The following CFAP46 variants were observed in gnomAD, a reference collection of about 807,000 sequenced individuals.
CFAP46 encodes cilia and flagella associated protein 46.
Under a neutral mutation model 325.7 loss-of-function variants are expected in CFAP46, and 245 were observed. That is an observed-to-expected ratio of 0.75 (90% CI 0.68 to 0.84). CFAP46 has a LOEUF of 0.84. CFAP46 is among the 40% of genes least tolerant of loss of function. CFAP46 has a pLI of 0.00. For missense variants in CFAP46, 3,346 were observed against 3,543.0 expected (o/e 0.94, Z 1.41); for synonymous variants, 1,523 against 1,495.9 (o/e 1.02, Z -0.42).
Position 132,827,417 on chromosome 10 carries a change from C to T in CFAP46, c.7117+5941G>A, listed in dbSNP as rs1232532823. Among the ~76,000 whole-genome samples the T allele has an allele frequency of 6.6e-6, 1 of 152,086 alleles. No individual in the cohort carries two copies. Among genetic ancestry groups the T allele is most frequent in the East Asian group, 1.9e-4 (1 of 5,182 alleles). ...GGGCCCTCTGTCCTTGGACCTCCTC[C>T]TTCAAGGATCCACTTCGCACATGTG... On this transcript the variant is annotated intron_variant, in intron 50 of 57. Coordinates refer to ENST00000368586, the MANE Select transcript of CFAP46 (RefSeq NM_001200049.3). The surrounding 1 kb of genome is among the most constrained non-coding windows in gnomAD (Gnocchi z 5.7).
At chr10:132,904,870 T>C (rs1591082429) in intron 22 of CFAP46, among the ~76,000 whole-genome samples, 1 of 152,096 alleles carries the variant, frequency 6.6e-6, no homozygotes, top group African/African-American at 2.4e-5. Flanking sequence ...CTTACGAGGG[T>C]GAATGCAGTT....
intron 11 of CFAP46, 113 bp downstream of exon 11, chr10:132,924,583 T>A (rs1417577311): frequency 1.7e-5 from 18 of 1,040,028 alleles, no homozygotes; most frequent in Non-Finnish European, 2.3e-5. Context: ...ACAGGGGGAG[T>A]CTGTTGCTTG....
In CFAP46 at chr10:132,832,277, G is replaced by C. The variant is rs1333038340; in HGVS notation, c.7117+1081C>G. 1.3e-5 allele frequency among the ~76,000 whole-genome samples: 2 copies of C among 151,894 alleles called. No homozygotes were observed. Among genetic ancestry groups the C allele is most frequent in the Non-Finnish European group, 2.9e-5 (2 of 67,992 alleles). On this transcript the variant is annotated intron_variant, in intron 50 of 57. Coordinates refer to ENST00000368586, the MANE Select transcript of CFAP46 (RefSeq NM_001200049.3). The surrounding 1 kb of genome is among the most constrained non-coding windows in gnomAD (Gnocchi z 4.1). Reference sequence around the variant, plus strand: ...GGGCTCTGCAGATCTCGGAGTGGCCGTTCCTTGCAGCTCTCTCCTTCCAGG... The same window carrying C: ...GGGCTCTGCAGATCTCGGAGTGGCCCTTCCTTGCAGCTCTCTCCTTCCAGG...
At chr10:132,822,431 G>C (rs1388415346) in intron 50 of CFAP46, among the ~76,000 whole-genome samples, 1 of 145,984 alleles carries the variant, frequency 6.9e-6, no homozygotes, top group South Asian at 2.2e-4. Context: ...GTGGTGATGT[G>C]TGCTGTGTGT....
At position 132,828,355 on chromosome 10, in the gene CFAP46, C is replaced by A. The variant is rs530474327; in HGVS notation, c.7117+5003G>T. On this transcript the variant is annotated intron_variant, in intron 50 of 57. Transcript: ENST00000368586. The surrounding 1 kb of genome is among the most constrained non-coding windows in gnomAD (Gnocchi z 4.9). ...GGGTTCCGGTTCCACACCCTCCCAA[C>A]ACGCGCTCTGGTCGACTGTGTGAGT... is the stretch of plus-strand genomic sequence containing the variant. Among the ~76,000 whole-genome samples, 1 of 152,356 alleles carries A rather than the reference C, an allele frequency of 6.6e-6. No individual in the cohort carries two copies. The highest frequency in any genetic ancestry group is 2.4e-5 in the African/African-American group (1 of 41,582).
At chr10:132,824,028 GTGC>G (rs1847967820) in intron 50 of CFAP46, among the ~76,000 whole-genome samples, 1 of 111,632 alleles carries the variant, frequency 9.0e-6, no homozygotes, top group Admixed American at 9.8e-5. Flanking sequence ...TGCTGTGTGA[GTGC>G]TGATGTGTGC....
rs1017588789 is a variant in CFAP46 at position 132,910,004 on chromosome 10, G to C, written c.2564C>G (p.Thr855Ser). The C allele has an allele frequency of 4.5e-6, 7 of 1,542,998 alleles. No homozygotes were observed. The highest frequency in any genetic ancestry group is 5.2e-6 in the Non-Finnish European group (6 of 1,144,162). ...CCAGGTGGCGATAAGCTGCTGCCGG[G>C]TGCCGGTGGGCACCGTCTCCTCGGG... ...SAPEETVPTG[T>S]RQQLIATWVK... Residue 855 changes from threonine to serine, a missense_variant, in exon 20 of 58, where the codon ACC (threonine) becomes AGC (serine). Physicochemically the swap from Thr to Ser is moderately conservative, Grantham distance 58. Coordinates refer to ENST00000368586, the MANE Select transcript of CFAP46 (RefSeq NM_001200049.3).
chr10:132,877,212 C>G lies in CFAP46; in HGVS notation c.4213-251G>C, dbSNP rs2135342285. On this transcript the variant is annotated intron_variant, in intron 30 of 57. Transcript: ENST00000368586. This position sits in a 1 kb window ranked among gnomAD's most constrained non-coding sequence, Gnocchi z 5.7. The stretch of plus-strand genomic sequence containing the variant: ...TGCCCAGGCTCAGGACTCCCGAGAG[C>G]TAAGGCTCTGCAGCCTCTGCCTCCT... Among the ~76,000 whole-genome samples, 1 of 152,318 alleles carries G rather than the reference C, an allele frequency of 6.6e-6. No homozygotes were observed. Among genetic ancestry groups the G allele is most frequent in the East Asian group, 1.9e-4 (1 of 5,164 alleles).
At chr10:132,911,133 C>G (rs1457348401) in intron 19 of CFAP46, among the ~76,000 whole-genome samples, 2 of 152,246 alleles carry the variant, frequency 1.3e-5, no homozygotes, top group Non-Finnish European at 2.9e-5. Flanking sequence ...CCACGGCGCC[C>G]TCCCCTCCGC....
chr10:132,871,991 A>AT (rs1203191450), intron 32 of CFAP46, among the ~76,000 whole-genome samples: 2 of 152,188 alleles, frequency 1.3e-5, no homozygotes, highest in African/African-American at 4.8e-5. Context: ...CCTTTTTAGC[A>AT]TTTTTAGTAC....
chr10:132,879,770 C>T (rs1055375450), intron 28 of CFAP46, 139 bp from the exon 29 acceptor site: 92 of 873,812 alleles, frequency 1.1e-4, no homozygotes, highest in African/African-American at 9.2e-4. Flanking sequence ...TGCTGAGGGC[C>T]GGCAGCCAGG....
At chr10:132,885,600 G>A (rs1023473232) in intron 26 of CFAP46, among the ~76,000 whole-genome samples, 4 of 151,374 alleles carry the variant, frequency 2.6e-5, no homozygotes, top group Admixed American at 1.3e-4. Flanking sequence ...CACACTCTGG[G>A]TGGGGGAGCA....
Position 132,836,779 on chromosome 10 carries a change from G to A in CFAP46, c.6536+38C>T, listed in dbSNP as rs572840729. The A allele has an allele frequency of 6.4e-6, 10 of 1,563,878 alleles. No individual in the cohort carries two copies. In the East Asian group the frequency reaches 9.0e-5, roughly 14 times the overall value. On this transcript the variant is annotated intron_variant, in intron 45 of 57. Transcript: ENST00000368586. Reference sequence around the variant, plus strand: ...CTCTGCCTCCCTGAGGCCTCTCAGCGGGCTGGGGGCGGCCTCAACAAGAAG... The same window carrying A: ...CTCTGCCTCCCTGAGGCCTCTCAGCAGGCTGGGGGCGGCCTCAACAAGAAG...
In CFAP46 at chr10:132,906,455, C is replaced by T. The variant is rs933778568; in HGVS notation, c.2924+2013G>A. 3.0e-4 allele frequency among the ~76,000 whole-genome samples: 46 copies of T among 151,836 alleles called. No homozygotes were observed. The South Asian group carries it at 3.6e-3, about 12-fold the overall frequency. ...CCGAGAAGAGTGAACGGGGTCCTGG[C>T]GCGTGATGCCCCGTCCTGGGCACTG... On this transcript the variant is annotated intron_variant, in intron 22 of 57. Transcript: ENST00000368586.
intron 44 of CFAP46, among the ~76,000 whole-genome samples, chr10:132,837,673 G>A (rs868305115): frequency 1.0e-3 from 78 of 77,006 alleles, no homozygotes; most frequent in Non-Finnish European, 1.6e-3. Flanking sequence ...AGACATGCAC[G>A]GACACACATG....
At chr10:132,936,883 C>G (rs1850016236) in intron 7 of CFAP46, 78 bp downstream of exon 7, 1 of 805,974 alleles carries the variant, frequency 1.2e-6, no homozygotes, top group Non-Finnish European at 1.9e-6. Flanking sequence ...AGGACCTCCC[C>G]CCATGGAGGG....
rs182708448 is a variant in CFAP46, at chr10:132,938,968, C to T, written c.372-215G>A. ...CCTGGGACAGCCTTGGGCGACCCTG[C>T]GTCCGACGTGCCATGGCTCCAGCGC... On this transcript the variant is annotated intron_variant, in intron 4 of 57. Coordinates refer to ENST00000368586, the MANE Select transcript of CFAP46 (RefSeq NM_001200049.3). Among the ~76,000 whole-genome samples the T allele has an allele frequency of 2.6e-3, 399 of 152,278 alleles. 1 individual carries two copies. The highest frequency in any genetic ancestry group is 9.0e-3 in the African/African-American group (373 of 41,558).
chr10:132,824,084 G>A (rs1847970266), intron 50 of CFAP46, among the ~76,000 whole-genome samples: 2 of 139,680 alleles, frequency 1.4e-5, no homozygotes, highest in Non-Finnish European at 3.1e-5. Context: ...TGTGTGCACT[G>A]TGTGCTGTGT....
rs1461032208 is a variant in CFAP46 at position 132,821,325 on chromosome 10, AGTGCTGATGTGTGCTGT to A, written c.7118-6428_7118-6412del. On this transcript the variant is annotated intron_variant, in intron 50 of 57. Transcript: ENST00000368586. ...TGCTGTGTGTTGTGTGTGCTGTGTG[AGTGCTGATGTGTGCTGT>A]GTGCTGATGTGTGCTGTGTGTGCTG... Among the ~76,000 whole-genome samples the A allele has an allele frequency of 3.3e-3, 246 of 74,798 alleles. 1 individual carries two copies. Among genetic ancestry groups the A allele is most frequent in the African/African-American group, 1.0e-2 (153 of 15,320 alleles). 49.1% of individuals were successfully genotyped at this position (74,798 alleles called of 152,430 possible).
Sources: gnomAD v4.1 joint callset for allele counts (sites outside exome capture counted in the v4.1 genomes callset) on GRCh38, gnomAD v4.1.1 for gene constraint, Gnocchi (gnomAD v3.1) non-coding constraint, MANE v1.5 for transcripts, NCBI Gene and HGNC (gene_info 2026-07-23, HGNC 2026-07-21) for gene names.